RIPOR3: variants seen among roughly 807,000 people sequenced by gnomAD.
RIPOR3 encodes the protein family with sequence similarity 65 member C.
Under a neutral mutation model 114.3 loss-of-function variants are expected in RIPOR3, and 95 were observed. The ratio of observed to expected loss-of-function variants is 0.83; its 90% CI spans 0.70 to 0.99. RIPOR3 has a LOEUF of 0.99. Ranked by LOEUF, RIPOR3 falls within the 50% of genes least tolerant of loss-of-function variation. RIPOR3 has a pLI of 0.00. For synonymous variants in RIPOR3, 575 were observed against 543.8 expected, an observed-to-expected ratio of 1.06 and a Z score of -0.80; for missense variants, 1,252 against 1,266.9, an observed-to-expected ratio of 0.99 and a Z score of 0.18.
chr20:50,629,002 C>T (rs2084722985), intron 2 of RIPOR3, among the ~76,000 whole-genome samples: 1 of 152,170 alleles, frequency 6.6e-6, no homozygotes, highest in Non-Finnish European at 1.5e-5. Flanking sequence ...CTCAGGGGTC[C>T]TCCCCCAGGA....
rs1321484805 is a variant in RIPOR3, at chr20:50,671,424, GCGCGCACACACA to G, written c.3+19690_3+19701del. On this transcript the variant is annotated intron_variant, in intron 1 of 21. Coordinates refer to ENST00000327979, the MANE Select transcript of RIPOR3 (RefSeq NM_001290268.2). ...CATGAGCACGCGCGCGTGCACGCGC[GCGCGCACACACA>G]CACACACACACACACACACACACAT... 7.3e-3 allele frequency among the ~76,000 whole-genome samples: 665 copies of G among 91,240 alleles called. 5 individuals carry two copies. Among genetic ancestry groups the G allele is most frequent in the South Asian group, 0.044 (113 of 2,588 alleles). The allele number at this position is 91,240 out of a possible 152,430, so 59.9% of individuals were successfully genotyped here. A position where few individuals can be genotyped will look rare whatever the true frequency, so the allele number is the denominator to read the frequency against.
rs1185812634 is a variant in RIPOR3, at chr20:50,592,510, G to A, written c.2411C>T (p.Ala804Val). 3.1e-6 allele frequency: 5 copies of A among 1,607,650 alleles called. No individual in the cohort carries two copies. Among genetic ancestry groups the A allele is most frequent in the Non-Finnish European group, 4.2e-6 (5 of 1,176,644 alleles). ...CCCCTGCAGCTTCCGGACCACCTTG[G>A]CCTGTCCCGCACAGTGAAGCTCCTC... ...LIEELHCAGQAKVVRKLQGKR... is the reference protein window; with the variant it reads ...LIEELHCAGQVKVVRKLQGKR... Residue 804 changes from alanine (A) to valine (V), a missense_variant, in exon 19 of 22, where the codon GCC becomes GTC. By Grantham distance (64) the Ala-to-Val change is moderately conservative (BLOSUM62 0). Coordinates refer to ENST00000327979, the MANE Select transcript of RIPOR3 (RefSeq NM_001290268.2).
intron 4 of RIPOR3, among the ~76,000 whole-genome samples, 192 bp downstream of exon 4, chr20:50,615,810 T>C (rs910915405): frequency 2.0e-5 from 3 of 152,212 alleles, no homozygotes; most frequent in Non-Finnish European, 4.4e-5. Flanking sequence ...CAGTGTGACA[T>C]GGGCCTAAAA....
intron 1 of RIPOR3, among the ~76,000 whole-genome samples, chr20:50,670,158 C>CA (rs34360499): frequency 0.03 from 1,472 of 48,640 alleles, 24 homozygotes; most frequent in African/African-American, 0.065. Flanking sequence ...AACTCCATCT[C>CA]AAAAAAAAAA....
chr20:50,637,499 TC>T (rs2085029277), intron 1 of RIPOR3, among the ~76,000 whole-genome samples: 1 of 152,122 alleles, frequency 6.6e-6, no homozygotes. Flanking sequence ...GTCTTATTCA[TC>T]AGTTAATCAA....
chr20:50,615,574 G>A (rs1038750106), intron 4 of RIPOR3, among the ~76,000 whole-genome samples: 3 of 147,900 alleles, frequency 2.0e-5, no homozygotes, highest in South Asian at 2.2e-4. Flanking sequence ...GGCAGGAAAC[G>A]CTGCCTGTCA....
At chr20:50,662,272 G>C (rs2086023670) in intron 1 of RIPOR3, 1 of 152,332 alleles carries the variant, frequency 6.6e-6, no homozygotes, top group African/African-American at 2.4e-5. Context: ...TTTCCAAATG[G>C]AAATAAATAA....
At chr20:50,593,888 C>T (rs1465942227) in intron 17 of RIPOR3, among the ~76,000 whole-genome samples, 1 of 152,010 alleles carries the variant, frequency 6.6e-6, no homozygotes, top group Non-Finnish European at 1.5e-5. Flanking sequence ...TTCTAGATAC[C>T]CTCGTGGGCC....
chr20:50,688,692 C>A (rs1460483142), intron 1 of RIPOR3, among the ~76,000 whole-genome samples: 2 of 152,176 alleles, frequency 1.3e-5, no homozygotes, highest in Non-Finnish European at 2.9e-5. Context: ...CAGGGTATCT[C>A]AAGCACTAAA....
At chr20:50,673,617 G>A (rs534768672) in intron 1 of RIPOR3, among the ~76,000 whole-genome samples, 1 of 152,194 alleles carries the variant, frequency 6.6e-6, no homozygotes, top group South Asian at 2.1e-4. Context: ...ACCCACCCCC[G>A]ATCAGCCAAA....
chr20:50,688,192 C>T (rs978075064), intron 1 of RIPOR3, among the ~76,000 whole-genome samples: 3 of 152,004 alleles, frequency 2.0e-5, no homozygotes, highest in Non-Finnish European at 2.9e-5. Flanking sequence ...GCTCTGTGGC[C>T]CAGGCTGGAG....
At chr20:50,691,065 G>A (rs1445060082) in intron 1 of RIPOR3, 61 bp downstream of exon 1, 4 of 1,289,350 alleles carry the variant, frequency 3.1e-6, no homozygotes, top group African/African-American at 1.5e-5. Context: ...CCCAGCTCCA[G>A]AAGTCTGTCC....
At chr20:50,654,457 G>T (rs1256861621) in intron 1 of RIPOR3, among the ~76,000 whole-genome samples, 2 of 111,076 alleles carry the variant, frequency 1.8e-5, no homozygotes, top group African/African-American at 6.7e-5. Flanking sequence ...TTGAGATGGA[G>T]GCTTGCTCTG....
intron 1 of RIPOR3, among the ~76,000 whole-genome samples, chr20:50,678,472 G>A (rs1354275484): frequency 1.3e-5 from 2 of 152,122 alleles, no homozygotes; most frequent in East Asian, 1.9e-4. Context: ...ATCTCTCCTC[G>A]TTCTGCAGGC....
In RIPOR3 at chr20:50,593,187, C is replaced by T. The variant is rs1028464264; in HGVS notation, c.2222G>A (p.Arg741Lys). The T allele has an allele frequency of 1.9e-6, 3 of 1,612,106 alleles. No individual in the cohort carries two copies. Among genetic ancestry groups the T allele is most frequent in the African/African-American group, 1.3e-5 (1 of 74,924 alleles). Reference sequence around the variant, plus strand: ...ACAGCTGACCACCTGCTCCAGGAGCCTGCGGCACGCTGGCCAAAGGGGAGA... The same window carrying T: ...ACAGCTGACCACCTGCTCCAGGAGCTTGCGGCACGCTGGCCAAAGGGGAGA... The part of the protein sequence containing the change: ...YPGQLEIACR[R>K]LLEQVVSCGG... Residue 741 changes from arginine (R) to lysine (K), a missense_variant, in exon 18 of 22, where the codon AGG (arginine) becomes AAG (lysine). Arg to Lys is a conservative substitution (Grantham distance 26). Transcript: ENST00000327979.
chr20:50,629,472 C>CGA (rs1424963545), intron 2 of RIPOR3, among the ~76,000 whole-genome samples: 1 of 152,186 alleles, frequency 6.6e-6, no homozygotes. Context: ...CTGAGCTCAT[C>CGA]GGGCTGTGGC....
Position 50,608,719 on chromosome 20 carries a change from C to T in RIPOR3, c.704G>A (p.Arg235His), listed in dbSNP as rs201920244. The change falls in exon 10 of 22, where the codon CGC (arginine) becomes CAC (histidine). Residue 235 changes from arginine (R) to histidine (H), a missense_variant. Coordinates refer to ENST00000327979, the MANE Select transcript of RIPOR3 (RefSeq NM_001290268.2). The part of the protein sequence containing the change: ...DHYEVLMRLG[R>H]QRWKLKGRIE... ...CCGACCCTTGAGCTTCCAACGCTGG[C>T]GGCCCAGACGCATGAGCACCTGTGA... The T allele has an allele frequency of 1.9e-5, 30 of 1,614,044 alleles. No individual in the cohort carries two copies. The highest frequency in any genetic ancestry group is 1.2e-4 in the African/African-American group (9 of 75,056).
In RIPOR3 at chr20:50,611,171, G is replaced by T; in HGVS notation, c.372+10C>A. On this transcript the variant is annotated intron_variant, in intron 5 of 21. Transcript: ENST00000327979. ...GCCCAGCCCACCTCACTCACCGTATGCAGACTCACCTTGTCCAGGTCATAA... is the reference window on the plus strand; with the variant it reads ...GCCCAGCCCACCTCACTCACCGTATTCAGACTCACCTTGTCCAGGTCATAA... 1 of 1,614,182 alleles carries T rather than the reference G, an allele frequency of 6.2e-7. No individual in the cohort carries two copies. Among genetic ancestry groups the T allele is most frequent in the Non-Finnish European group, 8.5e-7 (1 of 1,180,040 alleles).
chr20:50,597,330 G>T (rs2083328236), intron 14 of RIPOR3: 1 of 520,112 alleles, frequency 1.9e-6, no homozygotes, highest in Admixed American at 3.3e-5. Flanking sequence ...ACTAAAAGCT[G>T]GTTCCTTGGA....
Sources: allele counts gnomAD v4.1 joint callset (sites outside exome capture counted in the v4.1 genomes callset), GRCh38; gene constraint gnomAD v4.1.1; transcripts MANE v1.5; gene names NCBI Gene and HGNC (gene_info 2026-07-23, HGNC 2026-07-21).